The following NOB1 variants were observed in gnomAD, a reference collection of about 807,000 sequenced individuals.
NOB1 encodes RNA-binding protein NOB1.
Under a neutral mutation model 44.8 loss-of-function variants are expected in NOB1, and 44 were observed. The ratio of observed to expected loss-of-function variants is 0.98; its 90% CI spans 0.77 to 1.26. The LOEUF (loss-of-function observed/expected upper bound fraction) is 1.26. NOB1 is among the 50% of genes most tolerant of loss of function. The pLI is 0.00. For missense variants in NOB1, 560 were observed against 544.8 expected (o/e 1.03, Z -0.28); for synonymous variants, 238 against 218.7 (o/e 1.09, Z -0.78).
intron 3 of NOB1, among the ~76,000 whole-genome samples, chr16:69,750,455 G>C (rs2038473548): frequency 6.6e-6 from 1 of 151,768 alleles, no homozygotes; most frequent in Non-Finnish European, 1.5e-5. Flanking sequence ...GTGACACCCT[G>C]TCTCTATAAA....
chr16:69,754,853 G>C lies in NOB1; in HGVS notation c.58C>G (p.Leu20Val). 1 of 1,600,536 alleles carries C rather than the reference G, an allele frequency of 6.2e-7. No individual in the cohort carries two copies. The highest frequency in any genetic ancestry group is 8.5e-7 in the Non-Finnish European group (1 of 1,174,522). Residue 20 changes from leucine to valine, a missense_variant, in exon 1 of 9, where the codon CTG becomes GTG. Transcript: ENST00000268802. ...CCGGAGGGAGCTCCCCGTACCTGCA[G>C]AGCCGCATGCCGCAGGAAAGCCCCA... is the stretch of plus-strand genomic sequence containing the variant. ...DAGAFLRHAA[L>V]QDIGKNIYTI...
chr16:69,748,768 G>A, intron 6 of NOB1, 150 bp downstream of exon 6: 1 of 671,186 alleles, frequency 1.5e-6, no homozygotes, highest in Non-Finnish European at 2.5e-6. Flanking sequence ...TAGCCTCTAA[G>A]CAAAATTAAA....
Position 69,742,211 on chromosome 16 carries a change from C to A in NOB1, c.*121G>T. 2.3e-6 allele frequency: 3 copies of A among 1,320,728 alleles called. No individual in the cohort carries two copies. The highest frequency in any genetic ancestry group is 2.9e-5 in the African/African-American group (2 of 68,716). 81.8% of individuals were successfully genotyped at this position (1,320,728 alleles called of 1,614,324 possible). ...CGGGGCATGGGCGGACAGAGCCGCA[C>A]CGTGAAGCCCGCCTGTTATTTCCAT... is the stretch of plus-strand genomic sequence containing the variant. On this transcript the variant is annotated 3_prime_UTR_variant, in exon 9 of 9. Coordinates refer to ENST00000268802, the MANE Select transcript of NOB1 (RefSeq NM_014062.3).
At chr16:69,742,749 G>A (rs2038395704) in intron 8 of NOB1, 148 bp from the exon 9 acceptor site, 1 of 761,600 alleles carries the variant, frequency 1.3e-6, no homozygotes, top group Non-Finnish European at 2.1e-6. Context: ...TGCTACGTGT[G>A]ACATGCCGCC....
chr16:69,748,488 G>A (rs1413212481), intron 6 of NOB1, among the ~76,000 whole-genome samples, 159 bp from the exon 7 acceptor site: 7 of 152,242 alleles, frequency 4.6e-5, no homozygotes, highest in East Asian at 1.9e-4. Flanking sequence ...AAACGAGGAC[G>A]AAGGCCCAGG....
chr16:69,742,553 G>A lies in NOB1; in HGVS notation c.1018C>T (p.Leu340Phe), dbSNP rs1234505164. The change falls in exon 9 of 9, where the codon CTC (leucine) becomes TTC (phenylalanine). Residue 340 changes from leucine (L) to phenylalanine (F), a missense_variant. By Grantham distance (22) the Leu-to-Phe change is conservative (BLOSUM62 0). Transcript: ENST00000268802. ...KGGKYAINPH[L>F]TEDQRFPQLR... The stretch of plus-strand genomic sequence containing the variant: ...TGAGGGAAGCGCTGATCCTCGGTGA[G>A]ATGGGGGTTGATGGCGTATTTGCCC... 6.2e-7 allele frequency: 1 copy of A among 1,614,154 alleles called. No homozygotes were observed. The highest frequency in any genetic ancestry group is 8.5e-7 in the Non-Finnish European group (1 of 1,180,022).
chr16:69,745,462 C>T (rs187098520), intron 7 of NOB1, among the ~76,000 whole-genome samples: 90 of 152,348 alleles, frequency 5.9e-4, no homozygotes, highest in African/African-American at 1.6e-3. Flanking sequence ...CACATCACGG[C>T]ACTTTCTCGA....
intron 4 of NOB1, 81 bp downstream of exon 4, chr16:69,749,478 T>C (rs888065375): frequency 1.3e-6 from 2 of 1,538,740 alleles, no homozygotes; most frequent in Admixed American, 1.8e-5. Flanking sequence ...GTAAATTTAG[T>C]TCACTGTGAA....
rs773950270 is a variant in NOB1, at chr16:69,742,547, C to A, written c.1024G>T (p.Glu342Ter). ...CGCAGCTGAGGGAAGCGCTGATCCTCGGTGAGATGGGGGTTGATGGCGTAT... is the reference window on the plus strand; with the variant it reads ...CGCAGCTGAGGGAAGCGCTGATCCTAGGTGAGATGGGGGTTGATGGCGTAT... Reference protein sequence around the residue: ...GKYAINPHLTEDQRFPQLRLS... With the variant: ...GKYAINPHLT Residue 342 changes from glutamate (E) to a stop codon, truncating the protein, a stop_gained, in exon 9 of 9, where the codon GAG (glutamate) becomes TAG (stop). Transcript: ENST00000268802. LOFTEE classifies it high-confidence loss of function. 1.2e-6 allele frequency: 2 copies of A among 1,614,050 alleles called. No homozygotes were observed. The highest frequency in any genetic ancestry group is 1.7e-6 in the Non-Finnish European group (2 of 1,180,006).
Position 69,754,866 on chromosome 16 carries a change from CA to C in NOB1, c.44del (p.Leu15ArgfsTer52), listed in dbSNP as rs1567645220. On this transcript the variant is annotated frameshift_variant, in exon 1 of 9. Transcript: ENST00000268802. LOFTEE classifies it high-confidence loss of function. Reference sequence around the variant, plus strand: ...CCCGTACCTGCAGAGCCGCATGCCGCAGGAAAGCCCCAGCATCCGCCACAAC... The same window carrying C: ...CCCGTACCTGCAGAGCCGCATGCCGCGGAAAGCCCCAGCATCCGCCACAAC... The part of the protein sequence containing the change: ...EHVVADAGAF[L>X]RHAALQDIGK... 1.4e-5 allele frequency: 22 copies of C among 1,597,398 alleles called. No homozygotes were observed. Among genetic ancestry groups the C allele is most frequent in the Admixed American group, 1.7e-5 (1 of 57,358 alleles).
At chr16:69,746,118 G>A (rs2038428738) in intron 7 of NOB1, among the ~76,000 whole-genome samples, 1 of 152,268 alleles carries the variant, frequency 6.6e-6, no homozygotes, top group Non-Finnish European at 1.5e-5. Flanking sequence ...GGCTGGCGGG[G>A]CGGGGCCCCA....
rs138026655 is a variant in NOB1 at position 69,746,204 on chromosome 16, G to A, written c.825-1187C>T. Among the ~76,000 whole-genome samples, 336 of 152,370 alleles carry A rather than the reference G, an allele frequency of 2.2e-3. 2 individuals are homozygous for A. The highest frequency in any genetic ancestry group is 5.6e-3 in the South Asian group (27 of 4,834). On this transcript the variant is annotated intron_variant, in intron 7 of 8. Coordinates refer to ENST00000268802, the MANE Select transcript of NOB1 (RefSeq NM_014062.3). Reference sequence around the variant, plus strand: ...AGGCAACGCCCCGCCCACTGGAAGAGCTGGGGACCCAGAGAGGCACCTTTG... The same window carrying A: ...AGGCAACGCCCCGCCCACTGGAAGAACTGGGGACCCAGAGAGGCACCTTTG...
chr16:69,748,279 C>T lies in NOB1; in HGVS notation c.777G>A (p.Leu259=), dbSNP rs2151753760. ...GLHVLAVNGM[L]IREARSYILR... is the part of the protein sequence containing the mutation. The stretch of plus-strand genomic sequence containing the variant: ...AGATGTAGCTCCGGGCCTCACGAAT[C>T]AGCATGCCGTTCACCGCCAGCACGT... Residue 259 remains leucine, a synonymous_variant, in exon 7 of 9, where the codon CTG becomes CTA. Coordinates refer to ENST00000268802, the MANE Select transcript of NOB1 (RefSeq NM_014062.3). The T allele has an allele frequency of 6.2e-7, 1 of 1,614,134 alleles. No homozygotes were observed. Among genetic ancestry groups the T allele is most frequent in the Non-Finnish European group, 8.5e-7 (1 of 1,179,974 alleles).
chr16:69,743,533 A>G (rs905298598), intron 8 of NOB1, among the ~76,000 whole-genome samples: 1 of 152,250 alleles, frequency 6.6e-6, no homozygotes, highest in Non-Finnish European at 1.5e-5. Context: ...AGGACACATC[A>G]GGATCACCTC....
At chr16:69,745,350 C>T (rs2038421680) in intron 7 of NOB1, among the ~76,000 whole-genome samples, 1 of 152,208 alleles carries the variant, frequency 6.6e-6, no homozygotes, top group South Asian at 2.1e-4. Context: ...CTCCATTTTA[C>T]AGATGGGGAA....
chr16:69,749,585 T>C lies in NOB1; in HGVS notation c.373A>G (p.Ile125Val), dbSNP rs755501551. The stretch of plus-strand genomic sequence containing the variant: ...TTGTAGGGCAGATGGAAACCAGAAA[T>C]GTGCAGAGGTGTTTCTGGGTGCTGA... Reference protein sequence around the residue: ...SIQHPETPLHISGFHLPYKPK... With the variant: ...SIQHPETPLHVSGFHLPYKPK... Residue 125 changes from isoleucine to valine, a missense_variant, in exon 4 of 9, where the codon ATT (isoleucine) becomes GTT (valine). Ile to Val is a conservative substitution (Grantham distance 29). Coordinates refer to ENST00000268802, the MANE Select transcript of NOB1 (RefSeq NM_014062.3). The C allele has an allele frequency of 6.8e-6, 11 of 1,613,304 alleles. No homozygotes were observed. Among genetic ancestry groups the C allele is most frequent in the African/African-American group, 2.7e-5 (2 of 74,818 alleles).
chr16:69,749,716 G>A, intron 3 of NOB1, 86 bp from the exon 4 acceptor site: 1 of 990,826 alleles, frequency 1.0e-6, no homozygotes, highest in Admixed American at 2.5e-5. Flanking sequence ...GATGGCTCAT[G>A]CCTGTAATCC....
At chr16:69,747,330 GAGTTAAAGACCAGCCTGGGCAAC>G (rs2038441578) in intron 7 of NOB1, among the ~76,000 whole-genome samples, 1 of 151,848 alleles carries the variant, frequency 6.6e-6, no homozygotes, top group Non-Finnish European at 1.5e-5. Context: ...TTGAGGCCAG[GAGTTAAAGACCAGCCTGGGCAAC>G]ATCGTGAGAC....
At position 69,749,634 on chromosome 16, in the gene NOB1, TAA is replaced by T; in HGVS notation, c.328-6_328-5del. ...GAATCGATGAGCTCACCTTAACCTT[TAA>T]AAAAACAAAAAACATATACCTCTTG... On this transcript the variant is annotated splice_region_variant and splice_polypyrimidine_tract_variant and intron_variant, in intron 3 of 8. Transcript: ENST00000268802. The T allele has an allele frequency of 6.3e-7, 1 of 1,587,834 alleles. No individual in the cohort carries two copies. The highest frequency in any genetic ancestry group is 8.5e-7 in the Non-Finnish European group (1 of 1,171,982).
Sources: allele counts gnomAD v4.1 joint callset (sites outside exome capture counted in the v4.1 genomes callset), GRCh38; gene constraint gnomAD v4.1.1; transcripts MANE v1.5; gene names NCBI Gene and HGNC (gene_info 2026-07-23, HGNC 2026-07-21).